Variants in GRIK2 observed in about 807,000 individuals in gnomAD.
GRIK2 encodes the protein glutamate ionotropic receptor kainate type subunit 2.
In GRIK2, 32 loss-of-function variants were observed where a neutral mutation model predicts 100.3. That is an observed-to-expected ratio of 0.32 (90% CI 0.24 to 0.43). GRIK2 has a LOEUF of 0.43. GRIK2 is among the 20% of genes least tolerant of loss of function. GRIK2 has a pLI of 1.00. For synonymous variants in GRIK2, 417 were observed against 389.4 expected (o/e 1.07, Z -0.83); for missense variants, 843 against 1,114.9 (o/e 0.76, Z 3.47).
At chr6:101,957,481 A>ATTAT (rs542111461) in intron 14 of GRIK2, among the ~76,000 whole-genome samples, 92 of 150,738 alleles carry the variant, frequency 6.1e-4, no homozygotes, top group East Asian at 1.4e-3. Flanking sequence ...ATTTATTTTT[A>ATTAT]TTATTTATTT....
intron 11 of GRIK2, among the ~76,000 whole-genome samples, chr6:101,875,080 C>T (rs79512396): frequency 0.71 from 108,130 of 151,936 alleles, 40,095 homozygotes; most frequent in East Asian, 0.92. Context: ...TAATTGAATA[C>T]CTTTATTTCT....
intron 14 of GRIK2, among the ~76,000 whole-genome samples, chr6:102,026,608 C>A (rs1323863851): frequency 6.6e-6 from 1 of 151,156 alleles, no homozygotes; most frequent in East Asian, 1.9e-4. Flanking sequence ...TTTCAACTAC[C>A]TAAAAAGGAT....
chr6:101,440,010 A>G (rs1162351269), intron 2 of GRIK2, among the ~76,000 whole-genome samples: 1 of 152,176 alleles, frequency 6.6e-6, no homozygotes, highest in Non-Finnish European at 1.5e-5. Flanking sequence ...GAAGATGACC[A>G]CTTCGGTGAG....
intron 7 of GRIK2, among the ~76,000 whole-genome samples, chr6:101,788,456 A>G (rs965487534): frequency 7.2e-4 from 109 of 151,142 alleles, no homozygotes; most frequent in African/African-American, 2.5e-3. Context: ...GAGAACATGC[A>G]GTGTTTGGTT....
At chr6:101,829,382 A>G (rs1479220296) in intron 10 of GRIK2, among the ~76,000 whole-genome samples, 1 of 152,002 alleles carries the variant, frequency 6.6e-6, no homozygotes, top group Non-Finnish European at 1.5e-5. Flanking sequence ...ATTTTACTTG[A>G]AGTTCTAGTC....
chr6:101,847,618 G>A (rs1178015946), intron 10 of GRIK2, among the ~76,000 whole-genome samples: 1 of 152,014 alleles, frequency 6.6e-6, no homozygotes, highest in Non-Finnish European at 1.5e-5. Context: ...TTTGTAGTTT[G>A]GTTGTATATT....
chr6:101,910,007 T>A (rs1025829167), intron 12 of GRIK2, among the ~76,000 whole-genome samples: 1 of 42,026 alleles, frequency 2.4e-5, no homozygotes, highest in African/African-American at 1.1e-4. Context: ...TTGTATAAAA[T>A]CTCTAGTAAT....
chr6:101,944,545 T>C (rs1447962664), intron 14 of GRIK2, among the ~76,000 whole-genome samples: 1 of 152,202 alleles, frequency 6.6e-6, no homozygotes, highest in Non-Finnish European at 1.5e-5. Context: ...AGATTTACTG[T>C]ATTGTCTATT....
intron 2 of GRIK2, among the ~76,000 whole-genome samples, chr6:101,582,601 A>C (rs1226321285): frequency 2.6e-5 from 4 of 152,124 alleles, no homozygotes; most frequent in Non-Finnish European, 4.4e-5. Context: ...CAGCATGAGA[A>C]TGGACTAATA....
intron 9 of GRIK2, among the ~76,000 whole-genome samples, chr6:101,812,565 A>G (rs1158373531): frequency 6.6e-6 from 1 of 151,960 alleles, no homozygotes; most frequent in African/African-American, 2.4e-5. Flanking sequence ...GAGATCTCAC[A>G]TATAAAGCCC....
intron 11 of GRIK2, among the ~76,000 whole-genome samples, chr6:101,871,050 A>G (rs1188363009): frequency 1.3e-5 from 2 of 151,910 alleles, no homozygotes; most frequent in African/African-American, 4.8e-5. Flanking sequence ...ACCTATATAC[A>G]CTATCAAAAA....
chr6:101,708,621 A>C (rs1773499223), intron 7 of GRIK2, among the ~76,000 whole-genome samples: 2 of 151,770 alleles, frequency 1.3e-5, no homozygotes, highest in Non-Finnish European at 1.5e-5. Context: ...GTCTTCCGTT[A>C]CTTAATAAAC....
chr6:101,765,160 G>GT (rs1777967026), intron 7 of GRIK2, among the ~76,000 whole-genome samples: 1 of 152,044 alleles, frequency 6.6e-6, no homozygotes, highest in African/African-American at 2.4e-5. Flanking sequence ...GTTAATTTCA[G>GT]TTAGTGTTTT....
intron 10 of GRIK2, among the ~76,000 whole-genome samples, chr6:101,828,282 G>A (rs552083521): frequency 1.3e-5 from 2 of 152,050 alleles, no homozygotes; most frequent in East Asian, 3.9e-4. Flanking sequence ...GAAAAGCAGT[G>A]ATAAGAAGAA....
intron 10 of GRIK2, among the ~76,000 whole-genome samples, chr6:101,819,942 C>T (rs1583208229): frequency 6.6e-6 from 1 of 152,248 alleles, no homozygotes; most frequent in East Asian, 1.9e-4. Context: ...TCCTTATTGA[C>T]CATTAAAAAG....
intron 2 of GRIK2, 66 bp downstream of exon 2, chr6:101,399,458 G>A: frequency 1.2e-6 from 1 of 820,250 alleles, no homozygotes; most frequent in Non-Finnish European, 2.2e-6. Context: ...TAAACAGGCG[G>A]TTCGCTCTGC....
chr6:101,779,783 G>A (rs568498229), intron 7 of GRIK2, among the ~76,000 whole-genome samples: 3 of 151,990 alleles, frequency 2.0e-5, no homozygotes, highest in African/African-American at 7.2e-5. Flanking sequence ...CATATATATG[G>A]GGGTATGTGT....
intron 10 of GRIK2, among the ~76,000 whole-genome samples, chr6:101,842,172 G>A (rs1412928283): frequency 6.6e-6 from 1 of 152,046 alleles, no homozygotes; most frequent in African/African-American, 2.4e-5. Flanking sequence ...GGTGTTCTTC[G>A]TTGCTATTTC....
intron 2 of GRIK2, among the ~76,000 whole-genome samples, chr6:101,515,022 T>G (rs1774513188): frequency 6.6e-6 from 1 of 152,084 alleles, no homozygotes; most frequent in South Asian, 2.1e-4. Flanking sequence ...CTGCATCATA[T>G]TTATAGTCTT....
Sources: gnomAD v4.1 joint callset for allele counts (sites outside exome capture counted in the v4.1 genomes callset) on GRCh38, gnomAD v4.1.1 for gene constraint, MANE v1.5 for transcripts, NCBI Gene and HGNC (gene_info 2026-07-23, HGNC 2026-07-21) for gene names.